Variants in MTCL2 observed in about 807,000 individuals in gnomAD.
The protein encoded by MTCL2 is microtubule cross-linking factor 2.
chr20:36,861,236 C>T, the MTCL2 span, among the ~76,000 whole-genome samples: 1 of 152,194 alleles, frequency 6.6e-6, no homozygotes, highest in African/African-American at 2.4e-5. Context: ...CTCCTCCTCA[C>T]CTTCCACTTG....
At chr20:36,810,032 G>C in the MTCL2 span, 1 of 1,600,032 alleles carries the variant, frequency 6.2e-7, no homozygotes, top group Non-Finnish European at 8.5e-7. Flanking sequence ...CGTAGCTGCC[G>C]CTCCTGGGAG....
At chr20:36,784,304 T>C in the MTCL2 span, 12 of 986,020 alleles carry the variant, frequency 1.2e-5, no homozygotes, top group Non-Finnish European at 1.4e-5. Flanking sequence ...CCCACACCAG[T>C]CACTGGGGCA....
the MTCL2 span, among the ~76,000 whole-genome samples, chr20:36,809,668 T>C: frequency 6.6e-6 from 1 of 151,130 alleles, no homozygotes; most frequent in Non-Finnish European, 1.5e-5. Flanking sequence ...CTCCGCCTCC[T>C]GGGTTCAAGC....
the MTCL2 span, among the ~76,000 whole-genome samples, chr20:36,796,685 C>T: frequency 6.6e-6 from 1 of 152,162 alleles, no homozygotes; most frequent in Admixed American, 6.5e-5. Context: ...TCCTGAGTGG[C>T]TCGGGTTCCA....
At chr20:36,786,569 G>A in the MTCL2 span, 1 of 1,551,222 alleles carries the variant, frequency 6.4e-7, no homozygotes, top group Non-Finnish European at 8.7e-7. Flanking sequence ...GAGAGTGGCG[G>A]ATGGCAGAGC....
the MTCL2 span, among the ~76,000 whole-genome samples, chr20:36,795,645 G>A: frequency 1.1e-3 from 168 of 152,172 alleles, 1 homozygote; most frequent in Admixed American, 0.01. Context: ...GCGTGGTGGC[G>A]TTAGCCTGTA....
the MTCL2 span, among the ~76,000 whole-genome samples, chr20:36,821,085 G>A: frequency 1.1e-4 from 16 of 152,348 alleles, no homozygotes; most frequent in African/African-American, 3.8e-4. Flanking sequence ...AGTGAACCCA[G>A]TCACCCAGTT....
At chr20:36,797,454 TG>T in the MTCL2 span, 1 of 1,543,176 alleles carries the variant, frequency 6.5e-7, no homozygotes, top group African/African-American at 1.4e-5. Context: ...GGGACCTTTA[TG>T]GTGCAGCCAG....
the MTCL2 span, chr20:36,794,033 T>C: frequency 6.4e-7 from 1 of 1,551,470 alleles, no homozygotes; most frequent in Non-Finnish European, 8.7e-7. The surrounding 1 kb of genome is among the most constrained non-coding windows in gnomAD (Gnocchi z 5.4). Context: ...GCGCACACAG[T>C]TGGTGATCTC....
the MTCL2 span, among the ~76,000 whole-genome samples, chr20:36,792,480 G>T: frequency 6.6e-6 from 1 of 151,974 alleles, no homozygotes; most frequent in African/African-American, 2.4e-5. Context: ...ACTCAAGCCT[G>T]GGGGACAAGA....
At chr20:36,808,345 C>A in the MTCL2 span, among the ~76,000 whole-genome samples, 1 of 146,760 alleles carries the variant, frequency 6.8e-6, no homozygotes, top group Non-Finnish European at 1.5e-5. Flanking sequence ...TGGAGTGAGA[C>A]TCCATCTCGG....
At chr20:36,825,813 C>T in the MTCL2 span, among the ~76,000 whole-genome samples, 2 of 152,176 alleles carry the variant, frequency 1.3e-5, no homozygotes, top group Non-Finnish European at 2.9e-5. Flanking sequence ...AACACAGGCT[C>T]CCGCCTCCTG....
chr20:36,820,509 G>C, the MTCL2 span, among the ~76,000 whole-genome samples: 26 of 152,266 alleles, frequency 1.7e-4, no homozygotes, highest in South Asian at 5.4e-3. Context: ...AAAAAATGTG[G>C]TCTATCCACA....
the MTCL2 span, among the ~76,000 whole-genome samples, chr20:36,802,648 C>A: frequency 6.6e-6 from 1 of 152,188 alleles, no homozygotes; most frequent in Non-Finnish European, 1.5e-5. Context: ...GGAAAGCAGG[C>A]CTGACAGGCT....
chr20:36,849,181 C>G, the MTCL2 span, among the ~76,000 whole-genome samples: 3 of 148,636 alleles, frequency 2.0e-5, no homozygotes, highest in Non-Finnish European at 4.4e-5. Flanking sequence ...CCCACCTCAG[C>G]CTCCCGAGTA....
chr20:36,779,805 G>A, the MTCL2 span: 2 of 152,254 alleles, frequency 1.3e-5, no homozygotes, highest in Non-Finnish European at 2.9e-5. Flanking sequence ...GCAGTGCTGG[G>A]AAGAACATCC....
the MTCL2 span, among the ~76,000 whole-genome samples, chr20:36,850,109 C>G: frequency 6.6e-6 from 1 of 152,126 alleles, no homozygotes; most frequent in African/African-American, 2.4e-5. Flanking sequence ...CCCTACAGAC[C>G]ATATTCTAGC....
At chr20:36,851,907 A>G in the MTCL2 span, among the ~76,000 whole-genome samples, 1 of 152,174 alleles carries the variant, frequency 6.6e-6, no homozygotes, top group African/African-American at 2.4e-5. Context: ...AACTACTTCT[A>G]GTCAGCGCTC....
chr20:36,777,968 C>G, the MTCL2 span: 2,148 of 555,952 alleles, frequency 3.9e-3, 51 homozygotes, highest in African/African-American at 0.04. Flanking sequence ...TTTGAAGAGG[C>G]GCTATCTGGC....
Sources: allele counts gnomAD v4.1 joint callset (sites outside exome capture counted in the v4.1 genomes callset), GRCh38; gene constraint gnomAD v4.1.1; non-coding constraint Gnocchi (gnomAD v3.1); transcripts MANE v1.5; gene names NCBI Gene and HGNC (gene_info 2026-07-23, HGNC 2026-07-21).